ZEB2: variants seen among roughly 807,000 people sequenced by gnomAD.
The protein encoded by ZEB2 is zinc finger E-box-binding homeobox 2.
In ZEB2, 6 loss-of-function variants were observed where a neutral mutation model predicts 99.9. That is an observed-to-expected ratio of 0.06 (90% CI 0.03 to 0.12). ZEB2 has a LOEUF of 0.12. Ranked by LOEUF, ZEB2 falls within the 10% of genes least tolerant of loss-of-function variation. The pLI is 1.00. For synonymous variants in ZEB2, 517 were observed against 542.5 expected, an observed-to-expected ratio of 0.95 and a Z score of 0.65; for missense variants, 969 against 1,502.8, an observed-to-expected ratio of 0.64 and a Z score of 5.87.
At chr2:144,494,356 A>C (rs1362848039) in intron 2 of ZEB2, 1 of 152,190 alleles carries the variant, frequency 6.6e-6, no homozygotes, top group African/African-American at 2.4e-5. Context: ...AGTGCAACCT[A>C]TGTGAAAATC....
chr2:144,460,147 CT>C (rs1269089438), intron 2 of ZEB2, among the ~76,000 whole-genome samples: 30 of 152,130 alleles, frequency 2.0e-4, no homozygotes, highest in Admixed American at 1.9e-3. Flanking sequence ...TGTTGTGGTG[CT>C]GTGGGTGAGG....
intron 2 of ZEB2, among the ~76,000 whole-genome samples, chr2:144,508,466 C>G (rs1385475660): frequency 6.6e-6 from 1 of 152,152 alleles, no homozygotes; most frequent in Admixed American, 6.5e-5. Flanking sequence ...ATACCCTTTA[C>G]TTTCTCACAC....
rs1375276354 is a variant in ZEB2, at chr2:144,517,142, G to A, written c.73+136C>T. The A allele has an allele frequency of 6.3e-6, 6 of 951,662 alleles. No homozygotes were observed. In the African/African-American group the frequency reaches 8.8e-5, roughly 14 times the overall value. The allele number at this position is 951,662 out of a possible 1,614,324, so 59.0% of individuals were successfully genotyped here. ...CGCGCGCCGGGCTCCGGCGCCGGCCGCGGAGGGAGGCTCGCCCTAGAGCCC... is the reference window on the plus strand; with the variant it reads ...CGCGCGCCGGGCTCCGGCGCCGGCCACGGAGGGAGGCTCGCCCTAGAGCCC... On this transcript the variant is annotated intron_variant, in intron 2 of 9. Coordinates refer to ENST00000627532, the MANE Select transcript of ZEB2 (RefSeq NM_014795.4).
chr2:144,491,374 AC>A lies in ZEB2; in HGVS notation c.73+25903del, dbSNP rs1178638845. 4.6e-5 allele frequency among the ~76,000 whole-genome samples: 7 copies of A among 151,174 alleles called. No homozygotes were observed. The South Asian group carries it at 8.4e-4, about 18-fold the overall frequency. ...TCTCAAGAGAAAAAAAAAAAAAAAA[AC>A]GACCTAATACTGTTAATGAAAAAAG... On this transcript the variant is annotated intron_variant, in intron 2 of 9. Transcript: ENST00000627532.
rs1158874492 is a variant in ZEB2 at position 144,520,035 on chromosome 2, A to T, written c.-166T>A. The T allele has an allele frequency of 2.2e-6, 1 of 454,554 alleles. No homozygotes were observed. The highest frequency in any genetic ancestry group is 4.4e-6 in the Non-Finnish European group (1 of 226,792). The allele number at this position is 454,554 out of a possible 1,614,324, so 28.2% of individuals were successfully genotyped here. On this transcript the variant is annotated 5_prime_UTR_variant, in exon 1 of 10. Coordinates refer to ENST00000627532, the MANE Select transcript of ZEB2 (RefSeq NM_014795.4). The stretch of plus-strand genomic sequence containing the variant: ...GGGGAGAAAAAGGTGGAAGCGAAGA[A>T]ACAGCTCCCGGAGCAAACTGTACAA...
At chr2:144,431,986 G>T (rs1703778514) in intron 2 of ZEB2, among the ~76,000 whole-genome samples, 1 of 147,808 alleles carries the variant, frequency 6.8e-6, no homozygotes, top group African/African-American at 2.5e-5. Context: ...GGCATTAAAA[G>T]GCCTTTATCC....
chr2:144,399,747 A>G lies in ZEB2; in HGVS notation c.1440T>C (p.Ala480=). 6.2e-7 allele frequency: 1 copy of G among 1,613,768 alleles called. No individual in the cohort carries two copies. The highest frequency in any genetic ancestry group is 8.5e-7 in the Non-Finnish European group (1 of 1,179,844). ...TVSRQKMDCK[A]EEISKLKGYH... is the part of the protein sequence containing the mutation. ...AACCTTTCAACTTTGAAATTTCTTCAGCCTTGCAGTCCATTTTTTGCCTGG... is the reference window on the plus strand; with the variant it reads ...AACCTTTCAACTTTGAAATTTCTTCGGCCTTGCAGTCCATTTTTTGCCTGG... Residue 480 remains alanine (A), a synonymous_variant, in exon 8 of 10, where the codon GCT becomes GCC. Transcript: ENST00000627532. The surrounding 1 kb of genome is among the most constrained non-coding windows in gnomAD (Gnocchi z 5.6).
Position 144,497,895 on chromosome 2 carries a change from G to A in ZEB2, c.73+19383C>T, listed in dbSNP as rs1280245420. The A allele has an allele frequency of 9.0e-4, 6 of 6,698 alleles. 1 individual carries two copies. Among genetic ancestry groups the A allele is most frequent in the East Asian group, 6.2e-3 (1 of 162 alleles). 0.4% of individuals were successfully genotyped at this position (6,698 alleles called of 1,614,324 possible). ...TGTCATTCTCAACATATATATATAT[G>A]TCATTCTCAACATATATATTATATA... On this transcript the variant is annotated intron_variant, in intron 2 of 9. Transcript: ENST00000627532.
chr2:144,506,633 T>C (rs1227029406), intron 2 of ZEB2, among the ~76,000 whole-genome samples: 2 of 152,188 alleles, frequency 1.3e-5, no homozygotes, highest in African/African-American at 4.8e-5. Context: ...CTAAGAAACA[T>C]TGAAAGCAAT....
At chr2:144,462,901 C>T (rs929159575) in intron 2 of ZEB2, 7 of 152,190 alleles carry the variant, frequency 4.6e-5, no homozygotes, top group East Asian at 1.9e-4. Flanking sequence ...CTGCCAGGAC[C>T]AAGATCAGTT....
Position 144,399,680 on chromosome 2 carries a change from C to A in ZEB2, c.1507G>T (p.Val503Phe), listed in dbSNP as rs1203180157. Residue 503 changes from valine (V) to phenylalanine (F), a missense_variant, in exon 8 of 10, where the codon GTT (valine) becomes TTT (phenylalanine). This residue lies in a region of ZEB2 where 227 missense variants were observed against 278.2 expected (regional missense o/e 0.82). Transcript: ENST00000627532. This position sits in a 1 kb window ranked among gnomAD's most constrained non-coding sequence, Gnocchi z 5.6. ...ACAGGCGGAATATTAGGAGAAGTAA[C>A]TCCTTGTTCCTCAGGTTGAGAGCAT... ...DPCSQPEEQG[V>F]TSPNIPPVGL... is the part of the protein sequence containing the mutation. The A allele has an allele frequency of 2.5e-6, 4 of 1,614,200 alleles. No individual in the cohort carries two copies. Among genetic ancestry groups the A allele is most frequent in the Admixed American group, 1.7e-5 (1 of 60,026 alleles).
chr2:144,515,584 G>C (rs562908856), intron 2 of ZEB2, among the ~76,000 whole-genome samples: 3 of 151,768 alleles, frequency 2.0e-5, no homozygotes, highest in African/African-American at 7.3e-5. Context: ...TGAATCTTGG[G>C]GAAGCAGCTC....
chr2:144,430,053 T>G (rs750511424), intron 2 of ZEB2, 27 bp from the exon 3 acceptor site: 2 of 1,609,782 alleles, frequency 1.2e-6, no homozygotes, highest in South Asian at 2.2e-5. Context: ...AAACACACTC[T>G]CTAAACACTC....
At chr2:144,470,144 A>G (rs1206430121) in intron 2 of ZEB2, among the ~76,000 whole-genome samples, 1 of 152,230 alleles carries the variant, frequency 6.6e-6, no homozygotes, top group Non-Finnish European at 1.5e-5. Flanking sequence ...AAAATCATAC[A>G]TATATTATCT....
In ZEB2 at chr2:144,516,020, C is replaced by CGGAGGCCG. The variant is rs549098215; in HGVS notation, c.73+1250_73+1257dup. ...CCCCGCGAGGCGCGGGCTGGGGCTG[C>CGGAGGCCG]GGAGGCCGGGAGGCCGGGTGGGCGC... On this transcript the variant is annotated intron_variant, in intron 2 of 9. Coordinates refer to ENST00000627532, the MANE Select transcript of ZEB2 (RefSeq NM_014795.4). The CGGAGGCCG allele has an allele frequency of 3.3e-5, 5 of 152,324 alleles. 1 individual carries two copies. In the South Asian group the frequency reaches 8.3e-4, roughly 25 times the overall value. 9.4% of individuals were successfully genotyped at this position (152,324 alleles called of 1,614,324 possible). A position where few individuals can be genotyped will look rare whatever the true frequency, so the allele number is the denominator to read the frequency against.
intron 2 of ZEB2, among the ~76,000 whole-genome samples, chr2:144,497,189 A>G (rs1307472663): frequency 7.0e-6 from 1 of 143,146 alleles, no homozygotes; most frequent in Non-Finnish European, 1.5e-5. Flanking sequence ...CCATGAAGTG[A>G]CCCCTCACCA....
chr2:144,517,959 C>T (rs1006921705), intron 1 of ZEB2: 2 of 389,956 alleles, frequency 5.1e-6, no homozygotes, highest in Non-Finnish European at 9.5e-6. Flanking sequence ...CCCTCCCCTC[C>T]CCTTTTGGAG....
At chr2:144,517,179 G>C (rs994581476) in intron 2 of ZEB2, 99 bp downstream of exon 2, 1 of 1,537,860 alleles carries the variant, frequency 6.5e-7, no homozygotes, top group African/African-American at 1.4e-5. Flanking sequence ...GGGCGCCGCC[G>C]CCGCCGCCGC....
intron 2 of ZEB2, chr2:144,495,457 C>G (rs1455275791): frequency 1.3e-5 from 2 of 152,212 alleles, no homozygotes; most frequent in Non-Finnish European, 2.9e-5. Flanking sequence ...TTTCCCGTGT[C>G]TTAAATCAGC....
Sources: allele counts gnomAD v4.1 joint callset (sites outside exome capture counted in the v4.1 genomes callset), GRCh38; gene constraint gnomAD v4.1.1; regional missense constraint gnomAD v4.1.1; non-coding constraint Gnocchi (gnomAD v3.1); transcripts MANE v1.5; gene names NCBI Gene and HGNC (gene_info 2026-07-23, HGNC 2026-07-21).